The following WWOX variants were observed in gnomAD, a reference collection of about 807,000 sequenced individuals.
The protein encoded by WWOX is WW domain containing oxidoreductase.
Under a neutral mutation model 46.2 loss-of-function variants are expected in WWOX, and 69 were observed. The observed-to-expected ratio is 1.49, with a 90% CI of 1.23 to 1.82. WWOX has a LOEUF of 1.82. Ranked by LOEUF, WWOX falls within the 40% of genes most tolerant of loss-of-function variation. The pLI, the probability that WWOX is intolerant of heterozygous loss-of-function variation, is 0.00. For missense variants in WWOX, 919 were observed against 542.6 expected, an observed-to-expected ratio of 1.69 and a Z score of -6.89; for synonymous variants, 359 against 202.6, an observed-to-expected ratio of 1.77 and a Z score of -6.56.
intron 8 of WWOX, among the ~76,000 whole-genome samples, chr16:79,198,303 AC>A (rs1336018212): frequency 1.3e-5 from 2 of 152,156 alleles, no homozygotes; most frequent in African/African-American, 4.8e-5. Flanking sequence ...GCGCCACTGT[AC>A]TCCAGCCTGA....
chr16:78,818,706 C>T (rs2051411211), intron 8 of WWOX, among the ~76,000 whole-genome samples: 1 of 152,204 alleles, frequency 6.6e-6, no homozygotes, highest in Non-Finnish European at 1.5e-5. Flanking sequence ...ATAGCCTGGG[C>T]AGTTTTGAGT....
chr16:78,723,554 C>CTT (rs1248587910), intron 8 of WWOX, among the ~76,000 whole-genome samples: 6 of 108,544 alleles, frequency 5.5e-5, no homozygotes, highest in South Asian at 3.9e-4. Context: ...GATTCCCAGC[C>CTT]TTCTTTTCTT....
At chr16:78,802,924 A>AAAAAAAC (rs1567570758) in intron 8 of WWOX, among the ~76,000 whole-genome samples, 1 of 106,506 alleles carries the variant, frequency 9.4e-6, no homozygotes, top group East Asian at 2.4e-4. Flanking sequence ...TGAAAAAAAA[A>AAAAAAAC]AAAAAAAAAA....
At chr16:79,074,487 G>C (rs1055673621) in intron 8 of WWOX, among the ~76,000 whole-genome samples, 1 of 137,622 alleles carries the variant, frequency 7.3e-6, no homozygotes, top group Non-Finnish European at 1.5e-5. Flanking sequence ...CCCATCAATG[G>C]GCAGTGTGGG....
At chr16:78,904,486 C>T (rs938528569) in intron 8 of WWOX, among the ~76,000 whole-genome samples, 9 of 151,884 alleles carry the variant, frequency 5.9e-5, no homozygotes, top group Non-Finnish European at 1.3e-4. Flanking sequence ...ATCTGCCTGC[C>T]CCAGCCTCCC....
intron 4 of WWOX, among the ~76,000 whole-genome samples, chr16:78,140,149 A>G (rs898755540): frequency 2.6e-5 from 4 of 152,140 alleles, no homozygotes; most frequent in Non-Finnish European, 5.9e-5. Context: ...TGAAAACTGC[A>G]TGGTGAGCGT....
intron 8 of WWOX, among the ~76,000 whole-genome samples, chr16:78,914,878 C>CAAA (rs1213942556): frequency 3.0e-5 from 2 of 65,672 alleles, no homozygotes; most frequent in Non-Finnish European, 2.7e-5. Context: ...GACTCCGCCT[C>CAAA]AGAAAAAAAA....
chr16:78,414,772 G>C (rs966926319), intron 6 of WWOX, among the ~76,000 whole-genome samples: 3 of 152,088 alleles, frequency 2.0e-5, no homozygotes, highest in Non-Finnish European at 4.4e-5. Context: ...GAACAGTTTA[G>C]TTTTGGGGGA....
chr16:78,759,321 A>C (rs1230094429), intron 8 of WWOX, among the ~76,000 whole-genome samples: 1 of 152,202 alleles, frequency 6.6e-6, no homozygotes, highest in Non-Finnish European at 1.5e-5. Flanking sequence ...GTAAGTGTGC[A>C]CTGTCTGCCA....
At chr16:78,221,818 A>T (rs746025602) in intron 5 of WWOX, among the ~76,000 whole-genome samples, 4 of 152,190 alleles carry the variant, frequency 2.6e-5, no homozygotes, top group Non-Finnish European at 5.9e-5. Flanking sequence ...CTCTGATTTT[A>T]TACACTCATG....
At chr16:78,201,899 C>T (rs960199771) in intron 5 of WWOX, among the ~76,000 whole-genome samples, 1 of 151,952 alleles carries the variant, frequency 6.6e-6, no homozygotes, top group African/African-American at 2.4e-5. Flanking sequence ...CGGGATTTTG[C>T]TATGTTGCCC....
chr16:79,155,136 G>A (rs1347650576), intron 8 of WWOX, among the ~76,000 whole-genome samples: 1 of 152,220 alleles, frequency 6.6e-6, no homozygotes, highest in Non-Finnish European at 1.5e-5. Context: ...CCAGCACTTT[G>A]GGAGGCCGAG....
At chr16:78,366,758 G>T (rs578127793) in intron 5 of WWOX, among the ~76,000 whole-genome samples, 3 of 152,232 alleles carry the variant, frequency 2.0e-5, no homozygotes, top group East Asian at 3.9e-4. Context: ...TCCAATCTCT[G>T]TTCTAGAGGA....
rs1567654981 is a variant in WWOX, at chr16:78,575,006, TATATATATATATATAA to T, written c.1056+142270_1056+142285del. On this transcript the variant is annotated intron_variant, in intron 8 of 8. Coordinates refer to ENST00000566780, the MANE Select transcript of WWOX (RefSeq NM_016373.4). ...TCAATATTTATTTTTCAATTATATA[TATATATATATATATAA>T]ATATATATATATATATATATATATA... Among the ~76,000 whole-genome samples the T allele has an allele frequency of 2.2e-4, 3 of 13,898 alleles. 1 individual carries two copies. The highest frequency in any genetic ancestry group is 3.3e-4 in the Non-Finnish European group (3 of 9,024). 9.1% of individuals were successfully genotyped at this position (13,898 alleles called of 152,430 possible).
At chr16:78,779,933 C>T (rs745535559) in intron 8 of WWOX, among the ~76,000 whole-genome samples, 1 of 152,178 alleles carries the variant, frequency 6.6e-6, no homozygotes, top group African/African-American at 2.4e-5. Context: ...ATTGCAGCCA[C>T]AAATCAATAA....
At chr16:78,434,767 T>G (rs1265289882) in intron 8 of WWOX, among the ~76,000 whole-genome samples, 2 of 152,046 alleles carry the variant, frequency 1.3e-5, no homozygotes, top group Non-Finnish European at 2.9e-5. Flanking sequence ...TGGAATTTGG[T>G]GAGGGGTGAT....
At chr16:79,003,071 G>A (rs55837346) in intron 8 of WWOX, among the ~76,000 whole-genome samples, 4,867 of 152,226 alleles carry the variant, frequency 0.032, 78 homozygotes, top group Middle Eastern at 0.055. Flanking sequence ...AGACAATTCA[G>A]ACCCCACTCT....
At chr16:78,521,982 G>A (rs1347272107) in intron 8 of WWOX, among the ~76,000 whole-genome samples, 1 of 152,048 alleles carries the variant, frequency 6.6e-6, no homozygotes. Flanking sequence ...CATTTTGCAA[G>A]TTTTCAGGAA....
chr16:79,197,252 C>A (rs1034759680), intron 8 of WWOX, among the ~76,000 whole-genome samples: 2 of 152,180 alleles, frequency 1.3e-5, no homozygotes, highest in Non-Finnish European at 2.9e-5. Flanking sequence ...AGGTCCTGAT[C>A]TGTTTTATCA....
Sources: gnomAD v4.1 joint callset for allele counts (sites outside exome capture counted in the v4.1 genomes callset) on GRCh38, gnomAD v4.1.1 for gene constraint, MANE v1.5 for transcripts, NCBI Gene and HGNC (gene_info 2026-07-23, HGNC 2026-07-21) for gene names.